UBE2QL1: variants seen among roughly 807,000 people sequenced by gnomAD.
UBE2QL1 encodes ubiquitin-conjugating enzyme E2Q-like protein 1.
In UBE2QL1, 5 loss-of-function variants were observed where a neutral mutation model predicts 12.6. The ratio of observed to expected loss-of-function variants is 0.40; its 90% CI spans 0.21 to 0.83. The LOEUF is 0.83. Ranked by LOEUF, UBE2QL1 falls within the 40% of genes least tolerant of loss-of-function variation. UBE2QL1 has a pLI of 0.37. For synonymous variants in UBE2QL1, 96 were observed against 94.5 expected, an observed-to-expected ratio of 1.02 and a Z score of -0.10; for missense variants, 99 against 222.6, an observed-to-expected ratio of 0.44 and a Z score of 3.53.
At chr5:6,461,534 G>GCCCCC (rs1268566449) in intron 1 of UBE2QL1, among the ~76,000 whole-genome samples, 6 of 54,438 alleles carry the variant, frequency 1.1e-4, no homozygotes, top group Non-Finnish European at 1.9e-4. Flanking sequence ...GTGTTTTTCA[G>GCCCCC]CACCCACCAC....
At chr5:6,463,010 A>T (rs946078425) in intron 1 of UBE2QL1, among the ~76,000 whole-genome samples, 3 of 152,186 alleles carry the variant, frequency 2.0e-5, no homozygotes, top group African/African-American at 7.2e-5. Context: ...TGCATCTCTA[A>T]ATCATCCACT....
chr5:6,494,331 A>C lies in UBE2QL1; in HGVS notation c.*2982A>C, dbSNP rs948288837. 6.6e-6 allele frequency: 1 copy of C among 152,030 alleles called. No homozygotes were observed. The highest frequency in any genetic ancestry group is 1.5e-5 in the Non-Finnish European group (1 of 68,010). The allele number at this position is 152,030 out of a possible 1,614,324, so 9.4% of individuals were successfully genotyped here. On this transcript the variant is annotated 3_prime_UTR_variant, in exon 2 of 2. Coordinates refer to ENST00000399816, the MANE Select transcript of UBE2QL1 (RefSeq NM_001145161.3). Reference sequence around the variant, plus strand: ...TACACACACACGCACATGTGCCAATACTCCTGCAAAGACTTGCTGTTTCTA... The same window carrying C: ...TACACACACACGCACATGTGCCAATCCTCCTGCAAAGACTTGCTGTTTCTA...
intron 1 of UBE2QL1, among the ~76,000 whole-genome samples, chr5:6,485,837 T>G (rs1471319413): frequency 6.6e-6 from 1 of 152,200 alleles, no homozygotes; most frequent in Admixed American, 6.5e-5. Context: ...AGTATAGAAT[T>G]AATGTATTAA....
At chr5:6,449,871 C>CCA (rs1214738677) in intron 1 of UBE2QL1, among the ~76,000 whole-genome samples, 8 of 146,128 alleles carry the variant, frequency 5.5e-5, no homozygotes, top group African/African-American at 2.1e-4. Context: ...CTCCCCAACC[C>CCA]CCCCCACACA....
rs1411687167 is a variant in UBE2QL1, at chr5:6,492,929, G to A, written c.*1580G>A. 6.6e-6 allele frequency: 1 copy of A among 152,262 alleles called. No individual in the cohort carries two copies. Among genetic ancestry groups the A allele is most frequent in the Non-Finnish European group, 1.5e-5 (1 of 68,052 alleles). The allele number at this position is 152,262 out of a possible 1,614,324, so 9.4% of individuals were successfully genotyped here. On this transcript the variant is annotated 3_prime_UTR_variant, in exon 2 of 2. Transcript: ENST00000399816. ...TGTCTACTTGGGGACCTGCCCATTG[G>A]TTCAAGGTTTTCAGAGATCCAAGAG...
chr5:6,456,765 G>A (rs1050586922), intron 1 of UBE2QL1, among the ~76,000 whole-genome samples: 24 of 152,178 alleles, frequency 1.6e-4, no homozygotes, highest in African/African-American at 5.8e-4. Context: ...CAAGGACACC[G>A]GACTGGGAGA....
intron 1 of UBE2QL1, among the ~76,000 whole-genome samples, chr5:6,484,158 C>A (rs1196084871): frequency 2.6e-5 from 4 of 152,188 alleles, no homozygotes; most frequent in Non-Finnish European, 2.9e-5. Flanking sequence ...ATGAAAGGAA[C>A]CCCAAGCCAT....
In UBE2QL1 at chr5:6,491,256, C is replaced by G; in HGVS notation, c.393C>G (p.Ser131=). The G allele has an allele frequency of 6.4e-7, 1 of 1,551,512 alleles. No homozygotes were observed. The highest frequency in any genetic ancestry group is 8.7e-7 in the Non-Finnish European group (1 of 1,146,914). Residue 131 remains serine (S), a synonymous_variant, in exon 2 of 2, where the codon TCC becomes TCG. Transcript: ENST00000399816. The part of the protein sequence containing the change: ...ICRKAGKSKK[S]FSRKEAEATF... ...GAAAAGCTGGCAAATCAAAAAAGTC[C>G]TTCAGTCGCAAGGAAGCTGAAGCTA...
At position 6,486,435 on chromosome 5, in the gene UBE2QL1, C is replaced by T. The variant is rs548570133; in HGVS notation, c.355-4783C>T. Among the ~76,000 whole-genome samples, 7 of 152,266 alleles carry T rather than the reference C, an allele frequency of 4.6e-5. No individual in the cohort carries two copies. The South Asian group carries it at 1.4e-3, about 32-fold the overall frequency. ...CCTTCAATTTGGGACCCCTTGTCCT[C>T]TCCCACCACAGCCTGGTAAACACCT... On this transcript the variant is annotated intron_variant, in intron 1 of 1. Coordinates refer to ENST00000399816, the MANE Select transcript of UBE2QL1 (RefSeq NM_001145161.3).
Position 6,481,153 on chromosome 5 carries a change from G to T in UBE2QL1, c.355-10065G>T, listed in dbSNP as rs191616694. 6.6e-6 allele frequency among the ~76,000 whole-genome samples: 1 copy of T among 152,106 alleles called. No individual in the cohort carries two copies. Among genetic ancestry groups the T allele is most frequent in the African/African-American group, 2.4e-5 (1 of 41,396 alleles). On this transcript the variant is annotated intron_variant, in intron 1 of 1. Coordinates refer to ENST00000399816, the MANE Select transcript of UBE2QL1 (RefSeq NM_001145161.3). This position sits in a 1 kb window ranked among gnomAD's most constrained non-coding sequence, Gnocchi z 4.5. ...TTCTCGGGCCATTTCACCTGTGCAC[G>T]CTTCGTTGTGGCTGCACCTGCCCTA...
At chr5:6,453,115 C>T (rs1260864749) in intron 1 of UBE2QL1, among the ~76,000 whole-genome samples, 1 of 152,190 alleles carries the variant, frequency 6.6e-6, no homozygotes. Flanking sequence ...CTTGCTTGTG[C>T]CAAACTCTGG....
chr5:6,491,048 A>G (rs1230249477), intron 1 of UBE2QL1, among the ~76,000 whole-genome samples, 170 bp from the exon 2 acceptor site: 1 of 152,166 alleles, frequency 6.6e-6, no homozygotes, highest in Non-Finnish European at 1.5e-5. Flanking sequence ...GCCAGAGCTG[A>G]ATTGTTCTGC....
intron 1 of UBE2QL1, among the ~76,000 whole-genome samples, chr5:6,455,945 CG>C (rs1739511832): frequency 6.6e-6 from 1 of 152,160 alleles, no homozygotes; most frequent in Non-Finnish European, 1.5e-5. Context: ...ATGTAGACTA[CG>C]AGGGAGTGTA....
At position 6,492,887 on chromosome 5, in the gene UBE2QL1, A is replaced by G. The variant is rs1353858406; in HGVS notation, c.*1538A>G. ...AAAAGTCTTCCGGGATAATGTATTC[A>G]ATTCTTCAGGCAGTTTTGTCTACTT... is the stretch of plus-strand genomic sequence containing the variant. On this transcript the variant is annotated 3_prime_UTR_variant, in exon 2 of 2. Coordinates refer to ENST00000399816, the MANE Select transcript of UBE2QL1 (RefSeq NM_001145161.3). The G allele has an allele frequency of 6.6e-6, 1 of 152,244 alleles. No homozygotes were observed. The highest frequency in any genetic ancestry group is 1.5e-5 in the Non-Finnish European group (1 of 68,054). The allele number at this position is 152,244 out of a possible 1,614,324, so 9.4% of individuals were successfully genotyped here.
intron 1 of UBE2QL1, among the ~76,000 whole-genome samples, chr5:6,460,471 G>A (rs778523888): frequency 2.6e-5 from 4 of 152,258 alleles, no homozygotes; most frequent in South Asian, 2.1e-4. Flanking sequence ...GGGTGTTTCC[G>A]TCCATGACTG....
chr5:6,489,132 C>T (rs915369775), intron 1 of UBE2QL1, among the ~76,000 whole-genome samples: 7 of 152,044 alleles, frequency 4.6e-5, no homozygotes, highest in African/African-American at 1.4e-4. Flanking sequence ...AGTTATACAG[C>T]GTTTTCAAAA....
chr5:6,485,981 G>A (rs1013412344), intron 1 of UBE2QL1, among the ~76,000 whole-genome samples: 5 of 152,264 alleles, frequency 3.3e-5, no homozygotes, highest in Non-Finnish European at 7.4e-5. Context: ...CAGAAATATG[G>A]TGTATTCTTT....
intron 1 of UBE2QL1, among the ~76,000 whole-genome samples, chr5:6,459,236 G>T (rs924094185): frequency 1.3e-5 from 2 of 152,038 alleles, no homozygotes; most frequent in African/African-American, 4.8e-5. Context: ...TAACTATAAA[G>T]ATAAAAATTT....
At chr5:6,488,584 C>T (rs1734508396) in intron 1 of UBE2QL1, among the ~76,000 whole-genome samples, 1 of 151,998 alleles carries the variant, frequency 6.6e-6, no homozygotes, top group Non-Finnish European at 1.5e-5. Context: ...ATTGCTTGAG[C>T]CCAGGAGTTC....
Sources: gnomAD v4.1 joint callset for allele counts (sites outside exome capture counted in the v4.1 genomes callset) on GRCh38, gnomAD v4.1.1 for gene constraint, Gnocchi (gnomAD v3.1) non-coding constraint, MANE v1.5 for transcripts, NCBI Gene and HGNC (gene_info 2026-07-23, HGNC 2026-07-21) for gene names.